Variants in ADGRL2 observed in about 807,000 individuals in gnomAD.
ADGRL2 encodes the protein adhesion G protein-coupled receptor L2, also known as calcium-independent alpha-latrotoxin receptor 2.
In ADGRL2, 44 loss-of-function variants were observed where a neutral mutation model predicts 157.4. The observed-to-expected ratio is 0.28, with a 90% CI of 0.22 to 0.36. The LOEUF (loss-of-function observed/expected upper bound fraction) is 0.36. ADGRL2 is among the 10% of genes least tolerant of loss of function. ADGRL2 has a pLI of 1.00. For synonymous variants in ADGRL2, 585 were observed against 624.7 expected, an observed-to-expected ratio of 0.94 and a Z score of 0.95; for missense variants, 1,510 against 1,768.9, an observed-to-expected ratio of 0.85 and a Z score of 2.63.
chr1:81,950,317 G>A lies in ADGRL2; in HGVS notation c.1339G>A (p.Gly447Arg), dbSNP rs1211050608. The A allele has an allele frequency of 1.2e-6, 2 of 1,613,990 alleles. No homozygotes were observed. Among genetic ancestry groups the A allele is most frequent in the Middle Eastern group, 3.3e-4 (2 of 6,062 alleles). Residue 447 changes from glycine (G) to arginine (R), a missense_variant, in exon 7 of 24, where the codon GGG becomes AGG. By Grantham distance (125) the Gly-to-Arg change is moderately radical. This residue lies in a region of ADGRL2 where 325 missense variants were observed against 333.2 expected (regional missense o/e 0.98). Coordinates refer to ENST00000686636, the MANE Select transcript of ADGRL2 (RefSeq NM_001366006.2). ...TVAGSQEGSK[G>R]TKPPPAVSTT... Reference sequence around the variant, plus strand: ...AGCTGGATCACAGGAAGGAAGCAAAGGGACAAAACCACCTCCAGCAGTTTC... The same window carrying A: ...AGCTGGATCACAGGAAGGAAGCAAAAGGACAAAACCACCTCCAGCAGTTTC...
At chr1:81,668,145 A>G (rs1306923957) in intron 3 of ADGRL2, among the ~76,000 whole-genome samples, 1 of 152,132 alleles carries the variant, frequency 6.6e-6, no homozygotes, top group Non-Finnish European at 1.5e-5. Flanking sequence ...TTTTCCGACC[A>G]GGCTCAGAGG....
chr1:81,350,240 C>G (rs968473233), intron 1 of ADGRL2, among the ~76,000 whole-genome samples: 1 of 152,130 alleles, frequency 6.6e-6, no homozygotes, highest in Non-Finnish European at 1.5e-5. Flanking sequence ...TAATATAACT[C>G]TATCATAGGA....
intron 1 of ADGRL2, among the ~76,000 whole-genome samples, chr1:81,323,864 A>G (rs1433846262): frequency 6.6e-6 from 1 of 152,194 alleles, no homozygotes; most frequent in Non-Finnish European, 1.5e-5. Context: ...GAGCTTGGTA[A>G]AATTGAGGAC....
chr1:81,922,966 A>G (rs115612853), intron 3 of ADGRL2, among the ~76,000 whole-genome samples: 1 of 152,216 alleles, frequency 6.6e-6, no homozygotes, highest in Non-Finnish European at 1.5e-5. Flanking sequence ...CTATCTTTTT[A>G]AAGATAATTT....
At chr1:81,827,630 A>G (rs961634657) in intron 1 of ADGRL2, among the ~76,000 whole-genome samples, 1 of 152,030 alleles carries the variant, frequency 6.6e-6, no homozygotes, top group African/African-American at 2.4e-5. Context: ...CAGTGGTGCG[A>G]TCTTGGCGCA....
intron 2 of ADGRL2, among the ~76,000 whole-genome samples, chr1:81,898,710 TG>T (rs2094437330): frequency 6.6e-6 from 1 of 152,168 alleles, no homozygotes; most frequent in Admixed American, 6.5e-5. Context: ...GGACTATCAG[TG>T]ACAACTTATC....
At chr1:81,755,073 A>C (rs2085637001) in intron 1 of ADGRL2, among the ~76,000 whole-genome samples, 1 of 149,956 alleles carries the variant, frequency 6.7e-6, no homozygotes, top group South Asian at 2.1e-4. Flanking sequence ...TTACTGGTAC[A>C]TACCCAACAC....
intron 1 of ADGRL2, among the ~76,000 whole-genome samples, chr1:81,352,790 T>C (rs545818833): frequency 5.3e-5 from 8 of 152,204 alleles, no homozygotes; most frequent in African/African-American, 1.9e-4. Flanking sequence ...TCAGGTAGAG[T>C]TAAAGCAGTA....
At chr1:81,444,313 A>G (rs745590697) in intron 1 of ADGRL2, among the ~76,000 whole-genome samples, 1 of 152,222 alleles carries the variant, frequency 6.6e-6, no homozygotes, top group African/African-American at 2.4e-5. Flanking sequence ...AACAAAAAGT[A>G]TATTTAATAT....
At position 81,950,241 on chromosome 1, in the gene ADGRL2, A is replaced by G; in HGVS notation, c.1263A>G (p.Ile421Met). 1 of 1,614,062 alleles carries G rather than the reference A, an allele frequency of 6.2e-7. No individual in the cohort carries two copies. The highest frequency in any genetic ancestry group is 8.5e-7 in the Non-Finnish European group (1 of 1,179,950). Residue 421 changes from isoleucine to methionine, a missense_variant, in exon 7 of 24, where the codon ATA becomes ATG. Ile to Met is a conservative substitution (Grantham distance 10, BLOSUM62 1). Around this residue, in one of 4 missense-constraint regions of ADGRL2, gnomAD observed 325 missense variants for 333.2 expected, o/e 0.98. Transcript: ENST00000686636. The stretch of plus-strand genomic sequence containing the variant: ...CTTCAGCTGAGCTGTTCAAAACCAT[A>G]ATATCAACCACAAGCACTACTTCAC... ...ITSSAELFKT[I>M]ISTTSTTSQK...
chr1:81,831,130 A>G (rs2091915815), intron 1 of ADGRL2, among the ~76,000 whole-genome samples: 2 of 152,170 alleles, frequency 1.3e-5, no homozygotes, highest in South Asian at 4.1e-4. Context: ...AGATGTTAAT[A>G]TTAAAACCTT....
chr1:81,334,227 C>T (rs535058529), intron 1 of ADGRL2, among the ~76,000 whole-genome samples: 77 of 152,300 alleles, frequency 5.1e-4, no homozygotes, highest in African/African-American at 1.8e-3. Flanking sequence ...ACATAGGTTG[C>T]TCATCTTCCC....
At chr1:81,355,762 C>A (rs1205916102) in intron 1 of ADGRL2, among the ~76,000 whole-genome samples, 2 of 152,146 alleles carry the variant, frequency 1.3e-5, no homozygotes, top group African/African-American at 4.8e-5. Flanking sequence ...GTTCTGTAGG[C>A]AACAAGAGCC....
intron 2 of ADGRL2, among the ~76,000 whole-genome samples, chr1:81,456,306 A>G (rs150156207): frequency 6.6e-5 from 10 of 151,930 alleles, no homozygotes; most frequent in East Asian, 3.9e-4. Context: ...TGTAGCCCCA[A>G]CCTCCTGGGC....
chr1:81,625,576 G>T (rs2081893162), intron 3 of ADGRL2: 1 of 152,084 alleles, frequency 6.6e-6, no homozygotes, highest in African/African-American at 2.4e-5. Flanking sequence ...GTAAGAAACT[G>T]CAAGGCTGCC....
chr1:81,410,060 A>T (rs1333667920), intron 1 of ADGRL2, among the ~76,000 whole-genome samples: 2 of 152,250 alleles, frequency 1.3e-5, no homozygotes, highest in African/African-American at 4.8e-5. Context: ...AAAGCTTAGT[A>T]ACAAAGCTTA....
intron 3 of ADGRL2, among the ~76,000 whole-genome samples, chr1:81,634,387 T>C (rs1177299832): frequency 1.3e-5 from 2 of 152,074 alleles, no homozygotes; most frequent in South Asian, 2.1e-4. Flanking sequence ...TGGCTACCCA[T>C]TGCAAGTGGA....
chr1:81,972,541 T>C (rs1046843698), intron 17 of ADGRL2, among the ~76,000 whole-genome samples: 6 of 152,168 alleles, frequency 3.9e-5, no homozygotes, highest in Non-Finnish European at 8.8e-5. Context: ...AAACATCTTA[T>C]ATTACCCTTA....
chr1:81,993,659 G>A lies in ADGRL2; in HGVS notation c.*2514G>A, dbSNP rs918297137. ...TAAATATTGCCTTAAATTCCATCTA[G>A]GATTCCCTTAGTACAAGGTAGTTTC... On this transcript the variant is annotated 3_prime_UTR_variant, in exon 24 of 24. Coordinates refer to ENST00000686636, the MANE Select transcript of ADGRL2 (RefSeq NM_001366006.2). 6.6e-6 allele frequency among the ~76,000 whole-genome samples: 1 copy of A among 151,940 alleles called. No individual in the cohort carries two copies. The highest frequency in any genetic ancestry group is 1.5e-5 in the Non-Finnish European group (1 of 67,966).
Sources: gnomAD v4.1 joint callset for allele counts (sites outside exome capture counted in the v4.1 genomes callset) on GRCh38, gnomAD v4.1.1 for gene constraint, gnomAD v4.1.1 regional missense constraint, MANE v1.5 for transcripts, NCBI Gene and HGNC (gene_info 2026-07-23, HGNC 2026-07-21) for gene names.